Variants in SMARCAL1 observed in about 807,000 individuals in gnomAD.
The protein encoded by SMARCAL1 is ATP-driven annealing helicase.
Under a neutral mutation model 94.5 loss-of-function variants are expected in SMARCAL1, and 58 were observed. The observed-to-expected ratio is 0.61, with a 90% CI of 0.50 to 0.76. The LOEUF (loss-of-function observed/expected upper bound fraction) is 0.76. Ranked by LOEUF, SMARCAL1 falls within the 30% of genes least tolerant of loss-of-function variation. The pLI is 0.00. For synonymous variants in SMARCAL1, 422 were observed against 455.1 expected, an observed-to-expected ratio of 0.93 and a Z score of 0.93; for missense variants, 1,051 against 1,177.9, an observed-to-expected ratio of 0.89 and a Z score of 1.58.
intron 12 of SMARCAL1, among the ~76,000 whole-genome samples, chr2:216,459,403 C>T (rs1345208689): frequency 6.6e-6 from 1 of 152,202 alleles, no homozygotes; most frequent in Non-Finnish European, 1.5e-5. Context: ...AAGAACAAAG[C>T]TGGAGTCATC....
At chr2:216,457,189 C>G (rs966901165) in intron 12 of SMARCAL1, among the ~76,000 whole-genome samples, 3 of 152,286 alleles carry the variant, frequency 2.0e-5, no homozygotes, top group African/African-American at 7.2e-5. Context: ...AGTCATAAAG[C>G]AAGTCCTTAG....
chr2:216,474,454 G>GAAA (rs111287911), intron 14 of SMARCAL1, among the ~76,000 whole-genome samples: 2 of 115,456 alleles, frequency 1.7e-5, no homozygotes, highest in Non-Finnish European at 1.8e-5. Context: ...GTGCATTCTT[G>GAAA]AAAAAAAAAA....
chr2:216,453,990 G>C (rs1050952992), intron 12 of SMARCAL1, among the ~76,000 whole-genome samples: 2 of 152,220 alleles, frequency 1.3e-5, no homozygotes, highest in African/African-American at 4.8e-5. Flanking sequence ...AAAGCTGACT[G>C]TAATCATCTT....
rs754426319 is a variant in SMARCAL1, at chr2:216,414,689, G to A, written c.-16G>A. 2.9e-5 allele frequency: 47 copies of A among 1,610,350 alleles called. No homozygotes were observed. In the South Asian group the frequency reaches 4.8e-4, roughly 17 times the overall value. On this transcript the variant is annotated 5_prime_UTR_variant, in exon 3 of 18. Transcript: ENST00000357276. Reference sequence around the variant, plus strand: ...ATTAAAGGTTGACATTCCTGCATAAGCATTTCTCTGTGAAAATGTCCTTGC... The same window carrying A: ...ATTAAAGGTTGACATTCCTGCATAAACATTTCTCTGTGAAAATGTCCTTGC...
At position 216,440,141 on chromosome 2, in the gene SMARCAL1, T is replaced by A. The variant is rs998169128; in HGVS notation, c.1710+1656T>A. 2.0e-5 allele frequency among the ~76,000 whole-genome samples: 3 copies of A among 152,176 alleles called. No individual in the cohort carries two copies. In the South Asian group the frequency reaches 6.2e-4, roughly 32 times the overall value. On this transcript the variant is annotated intron_variant, in intron 10 of 17. Coordinates refer to ENST00000357276, the MANE Select transcript of SMARCAL1 (RefSeq NM_014140.4). ...TGATGGACACATTTAAATAAAATGTTTTTCCTAGGTTGATGACCCTTCTTT... is the reference window on the plus strand; with the variant it reads ...TGATGGACACATTTAAATAAAATGTATTTCCTAGGTTGATGACCCTTCTTT...
intron 11 of SMARCAL1, among the ~76,000 whole-genome samples, chr2:216,448,297 T>A (rs1367748360): frequency 1.3e-5 from 2 of 152,238 alleles, no homozygotes; most frequent in Admixed American, 6.5e-5. Context: ...ACTCTTCATG[T>A]ATGATTTGGA....
At chr2:216,441,655 A>G (rs1694198682) in intron 10 of SMARCAL1, among the ~76,000 whole-genome samples, 1 of 152,198 alleles carries the variant, frequency 6.6e-6, no homozygotes, top group African/African-American at 2.4e-5. Context: ...TGTACCTTGC[A>G]TATTTATCCT....
Position 216,447,174 on chromosome 2 carries a change from T to TGCCA in SMARCAL1, c.1851+16_1851+17insGCCA. 3 of 1,579,266 alleles carry TGCCA rather than the reference T, an allele frequency of 1.9e-6. No homozygotes were observed. Among genetic ancestry groups the TGCCA allele is most frequent in the Non-Finnish European group, 2.6e-6 (3 of 1,150,164 alleles). The stretch of plus-strand genomic sequence containing the variant: ...TGCCAAACGGGTATGTATTATCTCT[T>TGCCA]CCCTCCCAGCCCACCCATTTCTCAC... On this transcript the variant is annotated intron_variant, in intron 11 of 17. Coordinates refer to ENST00000357276, the MANE Select transcript of SMARCAL1 (RefSeq NM_014140.4).
At chr2:216,417,763 T>C (rs751121028) in intron 4 of SMARCAL1, among the ~76,000 whole-genome samples, 4 of 152,182 alleles carry the variant, frequency 2.6e-5, no homozygotes, top group Admixed American at 6.5e-5. Flanking sequence ...TGGATAAAGA[T>C]TGCAGATTTT....
intron 12 of SMARCAL1, among the ~76,000 whole-genome samples, chr2:216,457,575 T>C (rs1194770241): frequency 2.6e-5 from 4 of 152,262 alleles, no homozygotes; most frequent in African/African-American, 4.8e-5. Flanking sequence ...AACAACCTGC[T>C]CCTGAATGAC....
rs754876891 is a variant in SMARCAL1, at chr2:216,450,846, A to T, written c.1852A>T (p.Met618Leu). ...GCTGTCGCTGTCTTGTTCTCTGCAG[A>T]TGCCTTGGGGGTGGGACTACTCAGG... ...FGLRYCDAKR[M>L]PWGWDYSGSS... The change falls in exon 12 of 18, where the codon ATG becomes TTG. Residue 618 changes from methionine to leucine, a missense_variant and splice_region_variant. Physicochemically the swap from Met to Leu is conservative, Grantham distance 15 (BLOSUM62 2). Around this residue, in one of 3 missense-constraint regions of SMARCAL1, gnomAD observed 642 missense variants for 754.7 expected, o/e 0.85. Transcript: ENST00000357276. 9.3e-6 allele frequency: 15 copies of T among 1,613,260 alleles called. No homozygotes were observed. The highest frequency in any genetic ancestry group is 7.6e-6 in the Non-Finnish European group (9 of 1,179,568).
chr2:216,470,491 CTT>C lies in SMARCAL1; in HGVS notation c.2244+2458_2244+2459del, dbSNP rs34225191. ...ATTCTAATAAAAACTCCAACTAGAT[CTT>C]TTTTTTTTTTTTGAAGCAGAGTCTC... On this transcript the variant is annotated intron_variant, in intron 14 of 17. Transcript: ENST00000357276. 1.3e-3 allele frequency among the ~76,000 whole-genome samples: 188 copies of C among 142,766 alleles called. 1 individual carries two copies. The highest frequency in any genetic ancestry group is 4.2e-3 in the African/African-American group (165 of 38,892). The allele number at this position is 142,766 out of a possible 152,430, so 93.7% of individuals were successfully genotyped here.
At chr2:216,459,123 C>A (rs1323668579) in intron 12 of SMARCAL1, among the ~76,000 whole-genome samples, 1 of 152,090 alleles carries the variant, frequency 6.6e-6, no homozygotes, top group Non-Finnish European at 1.5e-5. Flanking sequence ...ATCCAACTTA[C>A]AAGGGATGTG....
At chr2:216,435,544 T>G in intron 9 of SMARCAL1, 48 bp downstream of exon 9, 7 of 1,546,956 alleles carry the variant, frequency 4.5e-6, no homozygotes, top group Non-Finnish European at 6.3e-6. Flanking sequence ...TCTGGAAACT[T>G]TCTTTGTAAA....
intron 10 of SMARCAL1, 24 bp downstream of exon 10, chr2:216,438,509 C>T (rs1432789927): frequency 6.2e-7 from 1 of 1,605,196 alleles, no homozygotes; most frequent in African/African-American, 1.3e-5. Flanking sequence ...AGAACTGAGC[C>T]CACTGAGCAT....
intron 14 of SMARCAL1, among the ~76,000 whole-genome samples, chr2:216,470,977 G>A (rs570021697): frequency 1.3e-5 from 2 of 151,896 alleles, no homozygotes; most frequent in Non-Finnish European, 2.9e-5. Context: ...TTAAAATTCA[G>A]CCATGCTGGC....
chr2:216,431,854 C>G (rs1693970829), intron 7 of SMARCAL1, among the ~76,000 whole-genome samples: 1 of 152,126 alleles, frequency 6.6e-6, no homozygotes, highest in African/African-American at 2.4e-5. Context: ...GTTGGTGCTT[C>G]CTGTTGGACA....
At chr2:216,455,476 C>T (rs561238165) in intron 12 of SMARCAL1, among the ~76,000 whole-genome samples, 20 of 152,320 alleles carry the variant, frequency 1.3e-4, no homozygotes, top group African/African-American at 2.9e-4. Context: ...ACACCTCACA[C>T]GGCCAGGTAC....
chr2:216,462,831 A>G lies in SMARCAL1; in HGVS notation c.2071-1766A>G, dbSNP rs1210030696. On this transcript the variant is annotated intron_variant, in intron 12 of 17. Coordinates refer to ENST00000357276, the MANE Select transcript of SMARCAL1 (RefSeq NM_014140.4). ...TGAGATCCTGTCTCTACAAAAAATA[A>G]AAAAAAAAAAAAAGCTGGTGTGGTG... is the stretch of plus-strand genomic sequence containing the variant. 1.5e-4 allele frequency among the ~76,000 whole-genome samples: 8 copies of G among 51,776 alleles called. No homozygotes were observed. The East Asian group carries it at 6.0e-3, about 39-fold the overall frequency. 34.0% of individuals were successfully genotyped at this position (51,776 alleles called of 152,430 possible). A position where few individuals can be genotyped will look rare whatever the true frequency, so the allele number is the denominator to read the frequency against.
Sources: allele counts gnomAD v4.1 joint callset (sites outside exome capture counted in the v4.1 genomes callset), GRCh38; gene constraint gnomAD v4.1.1; regional missense constraint gnomAD v4.1.1; transcripts MANE v1.5; gene names NCBI Gene and HGNC (gene_info 2026-07-23, HGNC 2026-07-21).